The following MKLN1 variants were observed in gnomAD, a reference collection of about 807,000 sequenced individuals.
The protein encoded by MKLN1 is muskelin.
MKLN1 carries 18 observed loss-of-function variants against 99.0 expected under a neutral mutation model. That is an observed-to-expected ratio of 0.18 (90% CI 0.13 to 0.27). The LOEUF (loss-of-function observed/expected upper bound fraction) is 0.27, where lower values mean the gene tolerates loss of function less well. MKLN1 is among the 10% of genes least tolerant of loss of function. The probability of loss-of-function intolerance (pLI) is 1.00; values close to 1 mark genes in which losing one functional copy is unlikely to be tolerated. For synonymous variants in MKLN1, 288 were observed against 293.2 expected, an observed-to-expected ratio of 0.98 and a Z score of 0.18; for missense variants, 621 against 875.9, an observed-to-expected ratio of 0.71 and a Z score of 3.67.
intron 12 of MKLN1, among the ~76,000 whole-genome samples, chr7:131,456,152 A>G (rs962410563): frequency 1.3e-5 from 2 of 151,976 alleles, no homozygotes; most frequent in Non-Finnish European, 2.9e-5. Flanking sequence ...GTTTTGCCAT[A>G]TTAGAATGAA....
intron 1 of MKLN1, among the ~76,000 whole-genome samples, chr7:131,133,037 C>T (rs530063428): frequency 4.6e-4 from 69 of 151,228 alleles, no homozygotes; most frequent in Admixed American, 1.2e-3. Flanking sequence ...GTACCAAGCC[C>T]GATGCTTTAG....
intron 2 of MKLN1, among the ~76,000 whole-genome samples, chr7:131,187,268 G>A (rs987315400): frequency 4.6e-5 from 7 of 151,640 alleles, no homozygotes; most frequent in African/African-American, 7.3e-5. Flanking sequence ...CTTTCCTACC[G>A]CACAGTCAGC....
rs984016409 is a variant in MKLN1 at position 131,184,546 on chromosome 7, T to C, written c.-296-18311T>C. Among the ~76,000 whole-genome samples the C allele has an allele frequency of 7.3e-5, 11 of 151,636 alleles. No individual in the cohort carries two copies. The East Asian group carries it at 2.2e-3, about 30-fold the overall frequency. On this transcript the variant is annotated intron_variant, in intron 2 of 7. Transcript: ENST00000416992. ...GCAGTAATACTTTTTTTTTTTGAGATGGAGTTTCGTTCTTGTTGCCCAGGC... is the reference window on the plus strand; with the variant it reads ...GCAGTAATACTTTTTTTTTTTGAGACGGAGTTTCGTTCTTGTTGCCCAGGC...
intron 3 of MKLN1, among the ~76,000 whole-genome samples, chr7:131,222,235 G>A (rs190341571): frequency 6.1e-4 from 93 of 152,302 alleles, no homozygotes; most frequent in African/African-American, 2.1e-3. Flanking sequence ...CAACAACCCT[G>A]TGAGCTAAGA....
chr7:131,229,979 G>A (rs1207585286), intron 3 of MKLN1, among the ~76,000 whole-genome samples: 6 of 152,108 alleles, frequency 3.9e-5, no homozygotes, highest in Non-Finnish European at 7.3e-5. Flanking sequence ...AATATACTTC[G>A]GGGTAAAATA....
chr7:131,457,742 G>T (rs1049586377), intron 12 of MKLN1, among the ~76,000 whole-genome samples: 6 of 151,972 alleles, frequency 3.9e-5, no homozygotes, highest in African/African-American at 1.4e-4. Flanking sequence ...ATATTGAAAT[G>T]CTGTCTCTAC....
chr7:131,255,430 G>A (rs1225534932), intron 3 of MKLN1, among the ~76,000 whole-genome samples: 1 of 152,170 alleles, frequency 6.6e-6, no homozygotes, highest in African/African-American at 2.4e-5. Flanking sequence ...AACATACAAT[G>A]TATAAGGAAA....
chr7:131,215,673 A>C (rs10279448), intron 3 of MKLN1, among the ~76,000 whole-genome samples: 20 of 152,140 alleles, frequency 1.3e-4, no homozygotes, highest in Admixed American at 1.0e-3. Context: ...GATAGTCTGT[A>C]TGATATTCTT....
intron 2 of MKLN1, among the ~76,000 whole-genome samples, chr7:131,189,397 G>A (rs1187211973): frequency 6.6e-6 from 1 of 152,024 alleles, no homozygotes; most frequent in Non-Finnish European, 1.5e-5. Context: ...AATAGCAACA[G>A]CGATGTCAGA....
At chr7:131,384,120 G>A (rs141141054) in intron 2 of MKLN1, among the ~76,000 whole-genome samples, 1 of 151,332 alleles carries the variant, frequency 6.6e-6, no homozygotes, top group Admixed American at 6.6e-5. Context: ...AACCACACTG[G>A]CATTTTAACA....
intron 1 of MKLN1, among the ~76,000 whole-genome samples, chr7:131,351,470 ATTT>A (rs149823586): frequency 0.054 from 8,095 of 150,886 alleles, 302 homozygotes; most frequent in Non-Finnish European, 0.074. Context: ...TTTGGATCAG[ATTT>A]TTTTTGAGAC....
chr7:131,314,303 A>G (rs1031251917), intron 3 of MKLN1, among the ~76,000 whole-genome samples: 1 of 152,208 alleles, frequency 6.6e-6, no homozygotes. Flanking sequence ...GACCCCAGAA[A>G]GGGAGTGAGA....
intron 8 of MKLN1, among the ~76,000 whole-genome samples, chr7:131,428,244 C>G (rs1018900893): frequency 7.9e-5 from 12 of 152,062 alleles, no homozygotes; most frequent in African/African-American, 2.7e-4. Context: ...TCATTATTCA[C>G]TGAAGAAGAA....
Position 131,411,863 on chromosome 7 carries a change from T to C in MKLN1, c.781+480T>C, listed in dbSNP as rs140669056. On this transcript the variant is annotated intron_variant, in intron 7 of 17. Transcript: ENST00000352689. ...CAGAGGTTGCAGTGAGCTGAGATCA[T>C]GCTATTGTACTCCGGCCTGGGAGAC... Among the ~76,000 whole-genome samples, 10 of 131,426 alleles carry C rather than the reference T, an allele frequency of 7.6e-5. No homozygotes were observed. In the East Asian group the frequency reaches 2.3e-3, roughly 31 times the overall value. The allele number at this position is 131,426 out of a possible 152,430, so 86.2% of individuals were successfully genotyped here.
At chr7:131,246,456 T>A (rs1797491008) in intron 3 of MKLN1, among the ~76,000 whole-genome samples, 2 of 152,200 alleles carry the variant, frequency 1.3e-5, no homozygotes, top group African/African-American at 4.8e-5. Context: ...ACCCACATTT[T>A]AGGCAGATTC....
At chr7:131,186,489 T>C (rs1796451984) in intron 2 of MKLN1, among the ~76,000 whole-genome samples, 2 of 152,100 alleles carry the variant, frequency 1.3e-5, no homozygotes. Flanking sequence ...GGCTGGGAGA[T>C]AGTTAGATCC....
At chr7:131,124,673 C>G (rs1350019484) in intron 1 of MKLN1, among the ~76,000 whole-genome samples, 1 of 152,202 alleles carries the variant, frequency 6.6e-6, no homozygotes, top group East Asian at 1.9e-4. Flanking sequence ...CTCAACACCT[C>G]AGTCTCTGGT....
intron 3 of MKLN1, among the ~76,000 whole-genome samples, chr7:131,268,903 T>G (rs554781195): frequency 3.6e-4 from 55 of 152,350 alleles, no homozygotes; most frequent in African/African-American, 1.3e-3. Flanking sequence ...TCTCGGTCAG[T>G]TTCTGGAAAA....
chr7:131,436,150 ATAAT>A (rs1379018084), intron 9 of MKLN1, among the ~76,000 whole-genome samples: 1 of 152,196 alleles, frequency 6.6e-6, no homozygotes, highest in Non-Finnish European at 1.5e-5. Context: ...AAGTTTGAAA[ATAAT>A]TAGTGTGAAT....
Sources: gnomAD v4.1 joint callset for allele counts (sites outside exome capture counted in the v4.1 genomes callset) on GRCh38, gnomAD v4.1.1 for gene constraint, MANE v1.5 for transcripts, NCBI Gene and HGNC (gene_info 2026-07-23, HGNC 2026-07-21) for gene names.